Variants in IPO11 observed in about 807,000 individuals in gnomAD.
IPO11 encodes the protein importin 11, also known as importin-11.
Under a neutral mutation model 143.2 loss-of-function variants are expected in IPO11, and 66 were observed. The ratio of observed to expected loss-of-function variants is 0.46; its 90% CI spans 0.38 to 0.57. The LOEUF (loss-of-function observed/expected upper bound fraction) is 0.57, where lower values mean the gene tolerates loss of function less well. Among genes scored for constraint, IPO11 ranks in the 20% least tolerant of loss-of-function variants. The probability of loss-of-function intolerance (pLI) is 0.00; values close to 1 mark genes in which losing one functional copy is unlikely to be tolerated. For synonymous variants in IPO11, 385 were observed against 377.8 expected (o/e 1.02, Z -0.22); for missense variants, 1,026 against 1,141.0 (o/e 0.90, Z 1.45).
chr5:62,615,269 C>G (rs1746088958), intron 29 of IPO11, among the ~76,000 whole-genome samples: 1 of 152,142 alleles, frequency 6.6e-6, no homozygotes. Flanking sequence ...TCAGAACAAC[C>G]CCCTCCAATA....
intron 20 of IPO11, among the ~76,000 whole-genome samples, chr5:62,519,561 G>A (rs1742138518): frequency 2.0e-5 from 3 of 151,958 alleles, no homozygotes; most frequent in South Asian, 2.1e-4. Context: ...GTATAAAGAC[G>A]GTTGAAGGCC....
chr5:62,577,387 A>G (rs1462408768), intron 27 of IPO11, among the ~76,000 whole-genome samples: 1 of 152,186 alleles, frequency 6.6e-6, no homozygotes, highest in Non-Finnish European at 1.5e-5. Flanking sequence ...TGGCATAAAG[A>G]ACAAAATTAA....
chr5:62,437,369 G>A lies in IPO11; in HGVS notation c.90G>A (p.Glu30=). The A allele has an allele frequency of 6.2e-7, 1 of 1,613,050 alleles. No individual in the cohort carries two copies. The highest frequency in any genetic ancestry group is 8.5e-7 in the Non-Finnish European group (1 of 1,179,358). ...CTGCTGTGTTAAAACCAGCTGAGGA[G>A]CAGTTGAAGCAGTGGGAGACACAGC... The part of the protein sequence containing the change: ...QDTAVLKPAE[E]QLKQWETQPG... Residue 30 remains glutamate (E), a synonymous_variant, in exon 2 of 30, where the codon GAG becomes GAA. Coordinates refer to ENST00000325324, the MANE Select transcript of IPO11 (RefSeq NM_016338.5).
intron 9 of IPO11, among the ~76,000 whole-genome samples, chr5:62,482,349 T>C (rs1198514727): frequency 1.3e-5 from 2 of 152,214 alleles, no homozygotes; most frequent in Non-Finnish European, 2.9e-5. Context: ...TGTTTGCTCT[T>C]CCTTCTCTAG....
At position 62,580,396 on chromosome 5, in the gene IPO11, T is replaced by G. The variant is rs913247024; in HGVS notation, c.2583-11181T>G. 6 of 1,550,700 alleles carry G rather than the reference T, an allele frequency of 3.9e-6. No individual in the cohort carries two copies. In the African/African-American group the frequency reaches 6.8e-5, roughly 18 times the overall value. On this transcript the variant is annotated intron_variant, in intron 27 of 29. Coordinates refer to ENST00000325324, the MANE Select transcript of IPO11 (RefSeq NM_016338.5). ...AATAATTAGCATTGATAATGATACATTTGAAAATATGGGAGCATCTTTGAA... is the reference window on the plus strand; with the variant it reads ...AATAATTAGCATTGATAATGATACAGTTGAAAATATGGGAGCATCTTTGAA...
intron 27 of IPO11, among the ~76,000 whole-genome samples, chr5:62,587,372 A>G (rs1744835491): frequency 6.6e-6 from 1 of 152,154 alleles, no homozygotes; most frequent in Non-Finnish European, 1.5e-5. Context: ...AGATTTATTA[A>G]TATACTTTTC....
chr5:62,433,652 G>A (rs153858), intron 1 of IPO11, among the ~76,000 whole-genome samples: 43,637 of 152,008 alleles, frequency 0.29, 6,983 homozygotes, highest in East Asian at 0.46. Context: ...GACTGGATGG[G>A]CTTCTTAGGA....
intron 28 of IPO11, among the ~76,000 whole-genome samples, chr5:62,592,950 C>A (rs147241442): frequency 2.0e-5 from 3 of 152,072 alleles, no homozygotes; most frequent in African/African-American, 7.2e-5. Flanking sequence ...CAATGGCACA[C>A]GACTGTAAAT....
chr5:62,553,981 T>C (rs974327473), intron 26 of IPO11, among the ~76,000 whole-genome samples: 6 of 152,150 alleles, frequency 3.9e-5, no homozygotes, highest in Middle Eastern at 3.2e-3. Flanking sequence ...TCTGCCCGCC[T>C]CGGCCTCCCA....
intron 25 of IPO11, among the ~76,000 whole-genome samples, chr5:62,550,762 A>G (rs1012605004): frequency 1.5e-4 from 23 of 152,074 alleles, no homozygotes; most frequent in African/African-American, 5.6e-4. Context: ...GGGGGACAAA[A>G]TAGTATTAAT....
chr5:62,451,668 T>A, intron 4 of IPO11, 62 bp from the exon 5 acceptor site: 1 of 1,212,264 alleles, frequency 8.2e-7, no homozygotes, highest in Non-Finnish European at 1.2e-6. Flanking sequence ...AGGTGATTTG[T>A]CACCGTGAAT....
intron 6 of IPO11, 28 bp downstream of exon 6, chr5:62,467,291 T>C (rs751914306): frequency 1.3e-6 from 2 of 1,597,814 alleles, no homozygotes; most frequent in Non-Finnish European, 8.5e-7. Flanking sequence ...ATGTTCATTT[T>C]TGAAATGAGA....
intron 5 of IPO11, among the ~76,000 whole-genome samples, chr5:62,457,159 G>C (rs537303179): frequency 4.9e-4 from 75 of 152,204 alleles, no homozygotes; most frequent in Non-Finnish European, 5.0e-4. Flanking sequence ...CTAAAACTTA[G>C]CTGAATTTTA....
intron 27 of IPO11, among the ~76,000 whole-genome samples, chr5:62,578,073 T>C (rs1744387613): frequency 1.3e-5 from 2 of 152,124 alleles, no homozygotes; most frequent in South Asian, 4.1e-4. Flanking sequence ...TACAGATATA[T>C]ATAGGGCGAA....
intron 2 of IPO11, among the ~76,000 whole-genome samples, chr5:62,442,576 A>C (rs999409295): frequency 3.3e-5 from 5 of 152,156 alleles, no homozygotes; most frequent in African/African-American, 9.7e-5. Flanking sequence ...AGATCTGTCC[A>C]GGCTGGGTGT....
intron 29 of IPO11, among the ~76,000 whole-genome samples, chr5:62,616,051 A>AG (rs1188760750): frequency 1.2e-3 from 3 of 2,432 alleles, no homozygotes; most frequent in Admixed American, 7.0e-3. Flanking sequence ...GATGGGGTGG[A>AG]GGGGGAGGTG....
At chr5:62,452,216 G>A (rs192224840) in intron 5 of IPO11, among the ~76,000 whole-genome samples, 1 of 145,204 alleles carries the variant, frequency 6.9e-6, no homozygotes, top group Admixed American at 6.6e-5. Flanking sequence ...CTGCACTCCA[G>A]CCTGGGCGAC....
chr5:62,624,214 A>G (rs6888641), intron 29 of IPO11, among the ~76,000 whole-genome samples: 92,291 of 151,560 alleles, frequency 0.61, 28,502 homozygotes, highest in African/African-American at 0.69. Context: ...TTGTATTTTT[A>G]GTAGAGACGG....
At chr5:62,450,104 C>A in intron 4 of IPO11, 105 bp downstream of exon 4, 1 of 624,228 alleles carries the variant, frequency 1.6e-6, no homozygotes, top group Non-Finnish European at 2.6e-6. Flanking sequence ...CACTATTACA[C>A]TATTTTCATT....
Sources: gnomAD v4.1 joint callset for allele counts (sites outside exome capture counted in the v4.1 genomes callset) on GRCh38, gnomAD v4.1.1 for gene constraint, MANE v1.5 for transcripts, NCBI Gene and HGNC (gene_info 2026-07-23, HGNC 2026-07-21) for gene names.